DNAJC1: variants seen among roughly 807,000 people sequenced by gnomAD.
DNAJC1 encodes the protein dnaJ homolog subfamily C member 1.
In DNAJC1, 58 loss-of-function variants were observed where a neutral mutation model predicts 76.6. The ratio of observed to expected loss-of-function variants is 0.76; its 90% CI spans 0.61 to 0.94. The LOEUF (loss-of-function observed/expected upper bound fraction) is 0.94. DNAJC1 is among the 40% of genes least tolerant of loss of function. DNAJC1 has a pLI of 0.00. For missense variants in DNAJC1, 689 were observed against 677.3 expected (o/e 1.02, Z -0.19); for synonymous variants, 258 against 267.9 (o/e 0.96, Z 0.36).
intron 6 of DNAJC1, among the ~76,000 whole-genome samples, chr10:21,907,115 G>A (rs956845712): frequency 2.0e-5 from 3 of 152,012 alleles, no homozygotes; most frequent in Non-Finnish European, 4.4e-5. Flanking sequence ...CCTGCTATGG[G>A]ACATAATCCC....
chr10:21,770,885 G>T (rs1289846817), intron 9 of DNAJC1, among the ~76,000 whole-genome samples: 1 of 152,048 alleles, frequency 6.6e-6, no homozygotes, highest in Admixed American at 6.5e-5. Context: ...GCTTTTGGTT[G>T]CTTGTGCCTT....
At chr10:21,817,331 A>T (rs1835092846) in intron 8 of DNAJC1, among the ~76,000 whole-genome samples, 1 of 152,064 alleles carries the variant, frequency 6.6e-6, no homozygotes, top group Admixed American at 6.5e-5. Flanking sequence ...ATTACACATA[A>T]ATGTTTACAT....
At chr10:21,762,087 C>T (rs1001040045) in intron 10 of DNAJC1, among the ~76,000 whole-genome samples, 18 of 152,102 alleles carry the variant, frequency 1.2e-4, no homozygotes, top group Middle Eastern at 6.8e-3. Flanking sequence ...TACAGGCACG[C>T]GCCACCATGC....
At chr10:21,839,355 A>T (rs958798926) in intron 8 of DNAJC1, among the ~76,000 whole-genome samples, 3 of 152,202 alleles carry the variant, frequency 2.0e-5, no homozygotes, top group Admixed American at 6.5e-5. Flanking sequence ...GACCACTAAC[A>T]AGACTAATTA....
At chr10:21,832,973 T>A (rs1326973520) in intron 8 of DNAJC1, among the ~76,000 whole-genome samples, 2 of 152,240 alleles carry the variant, frequency 1.3e-5, no homozygotes, top group Non-Finnish European at 2.9e-5. Flanking sequence ...CAAGAGTGAT[T>A]TATTCCTTAG....
chr10:21,982,605 A>C (rs140278173), intron 1 of DNAJC1, among the ~76,000 whole-genome samples: 6 of 152,282 alleles, frequency 3.9e-5, no homozygotes, highest in Admixed American at 6.5e-5. Context: ...TCACCAAAGA[A>C]GACAAATGAC....
intron 9 of DNAJC1, among the ~76,000 whole-genome samples, chr10:21,772,490 A>T (rs1004692711): frequency 6.6e-6 from 1 of 152,176 alleles, no homozygotes; most frequent in Non-Finnish European, 1.5e-5. Context: ...TTTCACTTCT[A>T]TTAGAAAAAT....
intron 7 of DNAJC1, among the ~76,000 whole-genome samples, chr10:21,891,784 C>T (rs543653899): frequency 4.7e-4 from 72 of 152,078 alleles, no homozygotes; most frequent in South Asian, 1.0e-3. Flanking sequence ...TAATTCGTCA[C>T]CAGTGGACCT....
In DNAJC1 at chr10:21,929,524, A is replaced by T. The variant is rs192433501; in HGVS notation, c.223-383T>A. ...TCAAAGAAACTCTTTATTTACTGGC[A>T]AATGTTAAAGCCAATTTCTGAATCC... On this transcript the variant is annotated intron_variant, in intron 1 of 11. Coordinates refer to ENST00000376980, the MANE Select transcript of DNAJC1 (RefSeq NM_022365.4). Among the ~76,000 whole-genome samples, 6 of 152,334 alleles carry T rather than the reference A, an allele frequency of 3.9e-5. No homozygotes were observed. The East Asian group carries it at 1.2e-3, about 29-fold the overall frequency.
chr10:21,902,620 A>C (rs1212814458), intron 7 of DNAJC1, among the ~76,000 whole-genome samples: 1 of 152,060 alleles, frequency 6.6e-6, no homozygotes, highest in Non-Finnish European at 1.5e-5. Context: ...GAGACTATTA[A>C]ATCTGTTTGA....
intron 8 of DNAJC1, among the ~76,000 whole-genome samples, chr10:21,838,643 T>A (rs141476424): frequency 0.029 from 4,372 of 150,566 alleles, 88 homozygotes; most frequent in Non-Finnish European, 0.043. Context: ...GAAAAAAAAA[T>A]AATAATGGGA....
chr10:21,913,958 T>C (rs1485904760), intron 6 of DNAJC1, among the ~76,000 whole-genome samples: 2 of 152,158 alleles, frequency 1.3e-5, no homozygotes, highest in East Asian at 3.9e-4. Flanking sequence ...CCCTGCTTCC[T>C]TGTATGTAGT....
In DNAJC1 at chr10:21,759,482, T is replaced by TC; in HGVS notation, c.1283dup (p.Asp429ArgfsTer4). 1 of 1,614,152 alleles carries TC rather than the reference T, an allele frequency of 6.2e-7. No homozygotes were observed. The highest frequency in any genetic ancestry group is 8.5e-7 in the Non-Finnish European group (1 of 1,180,024). Reference sequence around the variant, plus strand: ...CCCCGGTCTCCTGCTCACCGGAGTCTCCCTCCTGCTCCTCCTCCGCTGCCA... The same window carrying TC: ...CCCCGGTCTCCTGCTCACCGGAGTCTCCCCTCCTGCTCCTCCTCCGCTGCCA... On this transcript the variant is annotated frameshift_variant, in exon 11 of 12. Transcript: ENST00000376980. LOFTEE classifies it high-confidence loss of function.
At chr10:21,995,272 T>C (rs1294020492) in intron 1 of DNAJC1, among the ~76,000 whole-genome samples, 1 of 152,198 alleles carries the variant, frequency 6.6e-6, no homozygotes, top group Non-Finnish European at 1.5e-5. Flanking sequence ...GATTTCTTCA[T>C]GGTCTATTCA....
At chr10:21,850,579 T>C (rs1250987579) in intron 8 of DNAJC1, among the ~76,000 whole-genome samples, 1 of 151,388 alleles carries the variant, frequency 6.6e-6, no homozygotes, top group Non-Finnish European at 1.5e-5. Context: ...AGGGAGACAA[T>C]ATTGTTAAGA....
intron 8 of DNAJC1, among the ~76,000 whole-genome samples, chr10:21,861,587 T>C (rs1036473383): frequency 7.9e-5 from 12 of 151,476 alleles, no homozygotes; most frequent in Non-Finnish European, 1.0e-4. Context: ...AGGAAGGAGG[T>C]TGGCACAAGA....
chr10:21,902,249 C>T (rs1168419422), intron 7 of DNAJC1, among the ~76,000 whole-genome samples: 3 of 152,176 alleles, frequency 2.0e-5, no homozygotes, highest in Non-Finnish European at 4.4e-5. Flanking sequence ...GACTGTTACA[C>T]ATTTTCACTT....
intron 1 of DNAJC1, among the ~76,000 whole-genome samples, chr10:21,951,482 T>A (rs1837593965): frequency 6.6e-6 from 1 of 152,184 alleles, no homozygotes; most frequent in Non-Finnish European, 1.5e-5. Flanking sequence ...AAACTGTTTC[T>A]ATAGCAAACA....
chr10:21,964,932 C>T (rs2666758), intron 1 of DNAJC1, among the ~76,000 whole-genome samples: 4,365 of 152,186 alleles, frequency 0.029, 90 homozygotes, highest in Middle Eastern at 0.044. Context: ...TTCTCTTTGA[C>T]TGTTTTCAAA....
Sources: allele counts gnomAD v4.1 joint callset (sites outside exome capture counted in the v4.1 genomes callset), GRCh38; gene constraint gnomAD v4.1.1; transcripts MANE v1.5; gene names NCBI Gene and HGNC (gene_info 2026-07-23, HGNC 2026-07-21).